RGS7: variants seen among roughly 807,000 people sequenced by gnomAD.
The protein encoded by RGS7 is regulator of G-protein signaling 7.
In RGS7, 27 loss-of-function variants were observed where a neutral mutation model predicts 81.1. The ratio of observed to expected loss-of-function variants is 0.33; its 90% CI spans 0.25 to 0.46. The LOEUF is 0.46. RGS7 is among the 20% of genes least tolerant of loss of function. The pLI, the probability that RGS7 is intolerant of heterozygous loss-of-function variation, is 1.00. For missense variants in RGS7, 396 were observed against 607.4 expected (o/e 0.65, Z 3.66); for synonymous variants, 208 against 207.7 (o/e 1.00, Z -0.01).
intron 2 of RGS7, among the ~76,000 whole-genome samples, chr1:241,289,380 T>G (rs553655791): frequency 6.6e-6 from 1 of 152,202 alleles, no homozygotes; most frequent in East Asian, 1.9e-4. Flanking sequence ...GAAACTCCCC[T>G]TGATCCACAA....
chr1:240,967,800 C>A (rs948904689), intron 4 of RGS7, among the ~76,000 whole-genome samples: 1 of 152,106 alleles, frequency 6.6e-6, no homozygotes, highest in African/African-American at 2.4e-5. Flanking sequence ...TCTCAGGGAG[C>A]TTTTCGTGAG....
At chr1:241,247,171 C>T (rs1204976462) in intron 2 of RGS7, among the ~76,000 whole-genome samples, 3 of 152,034 alleles carry the variant, frequency 2.0e-5, no homozygotes, top group Non-Finnish European at 4.4e-5. Context: ...AAACAAGGAC[C>T]TATCATGTCA....
intron 2 of RGS7, among the ~76,000 whole-genome samples, chr1:241,264,500 GAAA>G (rs980293455): frequency 6.8e-6 from 1 of 146,152 alleles, no homozygotes; most frequent in Admixed American, 6.8e-5. Context: ...CTGTCTCAAA[GAAA>G]AAAAAAAGAC....
intron 2 of RGS7, among the ~76,000 whole-genome samples, chr1:241,352,468 CAGA>C (rs754297645): frequency 3.3e-5 from 5 of 152,214 alleles, no homozygotes; most frequent in Non-Finnish European, 7.3e-5. Flanking sequence ...GCACTCTAAA[CAGA>C]AGAACTGATA....
At chr1:241,322,911 G>A (rs548398929) in intron 2 of RGS7, among the ~76,000 whole-genome samples, 1 of 152,090 alleles carries the variant, frequency 6.6e-6, no homozygotes, top group Non-Finnish European at 1.5e-5. Flanking sequence ...CATGAATATT[G>A]CTCAGACTTT....
chr1:241,224,300 C>A (rs925808098), intron 2 of RGS7, among the ~76,000 whole-genome samples: 14 of 146,630 alleles, frequency 9.5e-5, no homozygotes, highest in African/African-American at 3.0e-4. Flanking sequence ...CCTATGTCCA[C>A]GTGTTCTCAT....
intron 4 of RGS7, among the ~76,000 whole-genome samples, chr1:240,969,353 G>A (rs1682841792): frequency 6.6e-6 from 1 of 152,292 alleles, no homozygotes; most frequent in Admixed American, 6.5e-5. Context: ...ATCAGACAAT[G>A]CCACAGGACA....
Position 241,214,456 on chromosome 1 carries a change from C to A in RGS7, c.79-115694G>T, listed in dbSNP as rs145799528. On this transcript the variant is annotated intron_variant, in intron 2 of 18. Coordinates refer to ENST00000440928, the MANE Select transcript of RGS7 (RefSeq NM_001364886.1). ...TTCTTTGGCTGACTTTTAAATTTTT[C>A]TTTCAACCTTTGGACTTCAGCAGAT... is the stretch of plus-strand genomic sequence containing the variant. Among the ~76,000 whole-genome samples, 16 of 150,580 alleles carry A rather than the reference C, an allele frequency of 1.1e-4. No homozygotes were observed. In the East Asian group the frequency reaches 2.3e-3, roughly 22 times the overall value.
At chr1:240,931,153 T>G (rs1451029632) in intron 5 of RGS7, among the ~76,000 whole-genome samples, 1 of 152,192 alleles carries the variant, frequency 6.6e-6, no homozygotes, top group Non-Finnish European at 1.5e-5. Flanking sequence ...CAAATTGTTT[T>G]CTATGAATCA....
chr1:240,986,864 GAGCCACCGCGCCCGGCC>G lies in RGS7; in HGVS notation c.176-3752_176-3736del, dbSNP rs1208477165. Among the ~76,000 whole-genome samples the G allele has an allele frequency of 2.9e-3, 4 of 1,364 alleles. 1 individual carries two copies. Among genetic ancestry groups the G allele is most frequent in the Non-Finnish European group, 2.8e-3 (2 of 714 alleles). 0.9% of individuals were successfully genotyped at this position (1,364 alleles called of 152,430 possible). ...CCCAAAGTGCTGGGATTACAGGCGT[GAGCCACCGCGCCCGGCC>G]TAAACACCACTATTATTAAACATGA... On this transcript the variant is annotated intron_variant, in intron 3 of 18. Transcript: ENST00000440928.
chr1:240,944,670 A>C (rs567385478), intron 4 of RGS7, among the ~76,000 whole-genome samples: 2 of 152,170 alleles, frequency 1.3e-5, no homozygotes, highest in South Asian at 2.1e-4. Context: ...CATGGGGCTT[A>C]AATTCTAATC....
chr1:241,155,807 T>A (rs1434367911), intron 2 of RGS7, among the ~76,000 whole-genome samples: 1 of 152,138 alleles, frequency 6.6e-6, no homozygotes, highest in African/African-American at 2.4e-5. Flanking sequence ...GAGTGATTTT[T>A]AAAAATCTCA....
At chr1:240,813,462 CA>C (rs1372658187) in intron 13 of RGS7, among the ~76,000 whole-genome samples, 155 bp downstream of exon 13, 1 of 151,860 alleles carries the variant, frequency 6.6e-6, no homozygotes, top group East Asian at 1.9e-4. Flanking sequence ...GTCTAAGTTT[CA>C]AAAGCCATGA....
intron 2 of RGS7, among the ~76,000 whole-genome samples, chr1:241,136,586 G>A (rs1020772246): frequency 6.6e-6 from 1 of 152,154 alleles, no homozygotes; most frequent in African/African-American, 2.4e-5. Context: ...AAGCTCCTAG[G>A]CACCACCCAC....
chr1:240,967,578 G>T (rs199684390), intron 4 of RGS7, among the ~76,000 whole-genome samples: 8 of 147,396 alleles, frequency 5.4e-5, no homozygotes, highest in East Asian at 2.0e-4. Context: ...TGGGGGGGGG[G>T]GGGAAAAGGC....
intron 4 of RGS7, 42 bp downstream of exon 4, chr1:240,983,037 A>G (rs1366126051): frequency 8.7e-7 from 1 of 1,153,446 alleles, no homozygotes; most frequent in Non-Finnish European, 1.3e-6. Flanking sequence ...TCTTAAAACC[A>G]CTAAGAAAAA....
intron 3 of RGS7, among the ~76,000 whole-genome samples, chr1:241,074,515 A>T (rs2062679934): frequency 1.3e-5 from 2 of 152,242 alleles, no homozygotes; most frequent in Admixed American, 1.3e-4. Flanking sequence ...CCAGGTATTC[A>T]AACGCAATTG....
intron 4 of RGS7, among the ~76,000 whole-genome samples, chr1:240,943,236 A>C (rs1257048878): frequency 6.6e-6 from 1 of 152,214 alleles, no homozygotes; most frequent in Non-Finnish European, 1.5e-5. Context: ...TACAAAGGCT[A>C]TGCCAGTCCC....
intron 3 of RGS7, among the ~76,000 whole-genome samples, chr1:240,983,680 T>C (rs1183053822): frequency 3.9e-5 from 6 of 152,218 alleles, no homozygotes; most frequent in Non-Finnish European, 1.5e-5. Flanking sequence ...GAACTTGCCT[T>C]GGCCCTTCCC....
Sources: allele counts gnomAD v4.1 joint callset (sites outside exome capture counted in the v4.1 genomes callset), GRCh38; gene constraint gnomAD v4.1.1; transcripts MANE v1.5; gene names NCBI Gene and HGNC (gene_info 2026-07-23, HGNC 2026-07-21).